NRG3: variants seen among roughly 807,000 people sequenced by gnomAD.
NRG3 encodes the protein pro-neuregulin-3, membrane-bound isoform.
A neutral mutation model predicts 66.9 loss-of-function variants in NRG3; 31 were observed. The ratio of observed to expected loss-of-function variants is 0.46; its 90% confidence interval spans 0.35 to 0.63. NRG3 has a LOEUF of 0.63. Among genes scored for constraint, NRG3 ranks in the 20% least tolerant of loss-of-function variants. NRG3 has a pLI of 0.00. For synonymous variants in NRG3, 393 were observed against 359.4 expected, an observed-to-expected ratio of 1.09 and a Z score of -1.06; for missense variants, 910 against 878.9, an observed-to-expected ratio of 1.04 and a Z score of -0.45.
At chr10:82,624,922 A>G (rs959461876) in intron 2 of NRG3, among the ~76,000 whole-genome samples, 9 of 147,222 alleles carry the variant, frequency 6.1e-5, no homozygotes, top group African/African-American at 2.0e-4. Context: ...TATATTTTAT[A>G]TATATATATA....
At chr10:82,645,791 T>C (rs1182102094) in intron 2 of NRG3, among the ~76,000 whole-genome samples, 1 of 152,194 alleles carries the variant, frequency 6.6e-6, no homozygotes, top group East Asian at 1.9e-4. Context: ...GAGACCTGCC[T>C]TCAGGCCTCT....
intron 1 of NRG3, among the ~76,000 whole-genome samples, chr10:81,967,701 G>C (rs1396619521): frequency 2.6e-5 from 4 of 151,884 alleles, no homozygotes; most frequent in Non-Finnish European, 5.9e-5. Context: ...TAAATTTTTA[G>C]TTCCATAAAA....
Position 82,299,549 on chromosome 10 carries a change from G to GTTT in NRG3, c.824-59180_824-59178dup, listed in dbSNP as rs757766628. On this transcript the variant is annotated intron_variant, in intron 1 of 8. Coordinates refer to ENST00000372141, the MANE Select transcript of NRG3 (RefSeq NM_001010848.4). The stretch of plus-strand genomic sequence containing the variant: ...TGGACCAGGGCTCCAATCCAGCCCT[G>GTTT]TTTTTTTTTTTTATTGTTGTTGTTA... Among the ~76,000 whole-genome samples, 1,061 of 147,506 alleles carry GTTT rather than the reference G, an allele frequency of 7.2e-3. 5 individuals carry two copies. Among genetic ancestry groups the GTTT allele is most frequent in the Middle Eastern group, 0.01 (3 of 288 alleles).
At chr10:82,257,061 C>T (rs1299228709) in intron 1 of NRG3, among the ~76,000 whole-genome samples, 2 of 152,176 alleles carry the variant, frequency 1.3e-5, no homozygotes, top group Admixed American at 1.3e-4. Flanking sequence ...GCGACTTCAG[C>T]TCCAATTGTG....
chr10:82,011,580 C>T (rs2061576537), intron 1 of NRG3, among the ~76,000 whole-genome samples: 1 of 152,174 alleles, frequency 6.6e-6, no homozygotes, highest in South Asian at 2.1e-4. Context: ...AAGTCCCTTC[C>T]ACCTATGAGC....
At chr10:82,922,596 G>A (rs1002501344) in intron 4 of NRG3, among the ~76,000 whole-genome samples, 6 of 152,114 alleles carry the variant, frequency 3.9e-5, no homozygotes, top group Admixed American at 6.6e-5. Context: ...GGATGATAGA[G>A]GACACTCAAC....
At chr10:82,524,607 T>C (rs1223008012) in intron 2 of NRG3, among the ~76,000 whole-genome samples, 1 of 151,934 alleles carries the variant, frequency 6.6e-6, no homozygotes, top group African/African-American at 2.4e-5. Flanking sequence ...ACTTTTAGGT[T>C]ACATATATAT....
At chr10:82,573,481 A>G (rs1173486068) in intron 2 of NRG3, among the ~76,000 whole-genome samples, 2 of 151,838 alleles carry the variant, frequency 1.3e-5, no homozygotes, top group Non-Finnish European at 2.9e-5. Context: ...CATTTTAAAT[A>G]TTTTCAGAAG....
chr10:82,946,676 A>T (rs1172865873), intron 4 of NRG3, among the ~76,000 whole-genome samples: 2 of 152,186 alleles, frequency 1.3e-5, no homozygotes, highest in African/African-American at 4.8e-5. Context: ...CTTTCAGACC[A>T]TACTAAGAAT....
intron 1 of NRG3, among the ~76,000 whole-genome samples, chr10:82,335,704 C>T (rs920771411): frequency 6.6e-6 from 1 of 152,148 alleles, no homozygotes; most frequent in Non-Finnish European, 1.5e-5. Flanking sequence ...GAACATCATG[C>T]AGCTGGTAAA....
intron 1 of NRG3, among the ~76,000 whole-genome samples, chr10:81,893,230 G>A (rs889696728): frequency 1.9e-4 from 29 of 151,886 alleles, no homozygotes; most frequent in African/African-American, 6.5e-4. Flanking sequence ...GCAAAATGAA[G>A]TTGTACTCTA....
chr10:81,877,665 G>A lies in NRG3; in HGVS notation c.823+1502G>A, dbSNP rs566291702. 5.6e-5 allele frequency: 71 copies of A among 1,269,014 alleles called. No individual in the cohort carries two copies. In the African/African-American group the frequency reaches 9.0e-4, roughly 16 times the overall value. The allele number at this position is 1,269,014 out of a possible 1,614,324, so 78.6% of individuals were successfully genotyped here. ...AACCTACTTTGCTTTGGAAAAAACC[G>A]TCTAGAAGATAAATTGGGAGACAGG... On this transcript the variant is annotated intron_variant, in intron 1 of 8. Transcript: ENST00000372141.
intron 2 of NRG3, among the ~76,000 whole-genome samples, chr10:82,692,841 T>A (rs963244595): frequency 4.2e-5 from 6 of 141,298 alleles, no homozygotes; most frequent in African/African-American, 1.5e-4. Flanking sequence ...ATCAATATCT[T>A]GATGTTTAGA....
At chr10:82,783,557 C>T (rs2060210560) in intron 3 of NRG3, among the ~76,000 whole-genome samples, 1 of 152,102 alleles carries the variant, frequency 6.6e-6, no homozygotes, top group African/African-American at 2.4e-5. Flanking sequence ...TTCTTATACA[C>T]CAAAAACAGG....
chr10:82,431,848 A>C (rs2136328900), intron 2 of NRG3, among the ~76,000 whole-genome samples: 1 of 152,340 alleles, frequency 6.6e-6, no homozygotes. Context: ...AATACATATT[A>C]TTCTGCAACT....
chr10:82,942,297 A>T (rs1848645719), intron 4 of NRG3, among the ~76,000 whole-genome samples: 1 of 152,176 alleles, frequency 6.6e-6, no homozygotes, highest in African/African-American at 2.4e-5. Flanking sequence ...AACAAGAACT[A>T]TGACTGTGAT....
At chr10:82,349,632 G>C (rs999678451) in intron 1 of NRG3, among the ~76,000 whole-genome samples, 1 of 152,008 alleles carries the variant, frequency 6.6e-6, no homozygotes, top group African/African-American at 2.4e-5. Context: ...ACCTAAGCAA[G>C]CCTGGGCAAT....
chr10:82,262,633 A>G (rs907007372), intron 1 of NRG3, among the ~76,000 whole-genome samples: 4 of 152,182 alleles, frequency 2.6e-5, no homozygotes, highest in African/African-American at 9.7e-5. Context: ...TGATACATGC[A>G]GCATCTGTGA....
rs528001385 is a variant in NRG3 at position 82,161,642 on chromosome 10, C to G, written c.824-197097C>G. The stretch of plus-strand genomic sequence containing the variant: ...AAATGGAGTTGCTGGATTTCCAGTC[C>G]TGGTCTATCTCATTGAAAGCCTGTT... On this transcript the variant is annotated intron_variant, in intron 1 of 8. Transcript: ENST00000372141. Among the ~76,000 whole-genome samples the G allele has an allele frequency of 8.5e-5, 13 of 152,098 alleles. 1 individual carries two copies. In the South Asian group the frequency reaches 2.7e-3, roughly 32 times the overall value.
Sources: allele counts gnomAD v4.1 joint callset (sites outside exome capture counted in the v4.1 genomes callset), GRCh38; gene constraint gnomAD v4.1.1; transcripts MANE v1.5; gene names NCBI Gene and HGNC (gene_info 2026-07-23, HGNC 2026-07-21).